Variants in KCNIP1 observed in about 807,000 individuals in gnomAD.
KCNIP1 encodes A-type potassium channel modulatory protein KCNIP1.
Under a neutral mutation model 33.0 loss-of-function variants are expected in KCNIP1, and 18 were observed. The ratio of observed to expected loss-of-function variants is 0.55; its 90% confidence interval spans 0.38 to 0.81. The LOEUF (loss-of-function observed/expected upper bound fraction) is 0.81, where lower values mean the gene tolerates loss of function less well. KCNIP1 is among the 30% of genes least tolerant of loss of function. KCNIP1 has a pLI of 0.00. For missense variants in KCNIP1, 238 were observed against 271.6 expected, an observed-to-expected ratio of 0.88 and a Z score of 0.87; for synonymous variants, 93 against 98.3, an observed-to-expected ratio of 0.95 and a Z score of 0.32.
At chr5:170,417,216 A>G (rs1035553457) in intron 1 of KCNIP1, among the ~76,000 whole-genome samples, 4 of 152,250 alleles carry the variant, frequency 2.6e-5, no homozygotes, top group Non-Finnish European at 5.9e-5. Context: ...AGAAAAGTCC[A>G]GAATAATCAC....
chr5:170,652,498 A>AAAGGAAGGAAGGAAGGAAGG (rs1554107877), intron 1 of KCNIP1, among the ~76,000 whole-genome samples: 17 of 103,054 alleles, frequency 1.6e-4, no homozygotes, highest in African/African-American at 6.9e-4. Flanking sequence ...AAAAAAAAAA[A>AAAGGAAGGAAGGAAGGAAGG]AAGGAAGGAA....
intron 1 of KCNIP1, among the ~76,000 whole-genome samples, chr5:170,687,020 A>G (rs1762559609): frequency 6.7e-6 from 1 of 148,730 alleles, no homozygotes; most frequent in South Asian, 2.2e-4. Flanking sequence ...ATCCTCCCCC[A>G]TTCTCCCCCT....
At chr5:170,608,020 C>G (rs1758997784) in intron 1 of KCNIP1, among the ~76,000 whole-genome samples, 1 of 152,190 alleles carries the variant, frequency 6.6e-6, no homozygotes, top group Admixed American at 6.5e-5. Context: ...CATTTATTCT[C>G]TCACTGCCCT....
At chr5:170,371,574 A>T (rs535423723) in intron 1 of KCNIP1, among the ~76,000 whole-genome samples, 94 of 152,310 alleles carry the variant, frequency 6.2e-4, no homozygotes, top group Non-Finnish European at 8.2e-4. Context: ...GGGGCAAGTT[A>T]AATCTTTTCC....
Position 170,373,615 on chromosome 5 carries a change from T to C in KCNIP1, c.88+19651T>C, listed in dbSNP as rs182677692. The stretch of plus-strand genomic sequence containing the variant: ...AACATATTTTTTTGAAAAACAATTA[T>C]GCGTGGCAAAAAGTATATTGGGAGA... On this transcript the variant is annotated intron_variant, in intron 1 of 7. Transcript: ENST00000377360. Among the ~76,000 whole-genome samples, 9 of 152,346 alleles carry C rather than the reference T, an allele frequency of 5.9e-5. No individual in the cohort carries two copies. In the East Asian group the frequency reaches 9.6e-4, roughly 16 times the overall value.
At chr5:170,598,290 C>A (rs1211708934) in intron 1 of KCNIP1, among the ~76,000 whole-genome samples, 5 of 152,162 alleles carry the variant, frequency 3.3e-5, no homozygotes, top group Admixed American at 1.3e-4. Context: ...CCCTCCCTCT[C>A]TGATAGATCA....
intron 1 of KCNIP1, among the ~76,000 whole-genome samples, chr5:170,359,025 A>G (rs535235386): frequency 6.4e-4 from 98 of 152,296 alleles, no homozygotes; most frequent in African/African-American, 2.2e-3. Flanking sequence ...GCCACCTGTC[A>G]TGCAAAGGGT....
intron 1 of KCNIP1, among the ~76,000 whole-genome samples, chr5:170,536,432 C>T (rs1561674396): frequency 6.6e-6 from 1 of 152,194 alleles, no homozygotes; most frequent in Non-Finnish European, 1.5e-5. Context: ...TCCCACCTTC[C>T]CCCAACAGCT....
intron 1 of KCNIP1, among the ~76,000 whole-genome samples, chr5:170,548,726 C>A (rs559819461): frequency 6.6e-6 from 1 of 152,204 alleles, no homozygotes; most frequent in African/African-American, 2.4e-5. Flanking sequence ...TATGTTGGGA[C>A]CTCTTCCCAC....
intron 1 of KCNIP1, among the ~76,000 whole-genome samples, chr5:170,563,165 A>G (rs1451562740): frequency 6.6e-6 from 1 of 152,166 alleles, no homozygotes; most frequent in African/African-American, 2.4e-5. Context: ...CCACTCCTCC[A>G]GAGTGCAGAT....
intron 1 of KCNIP1, among the ~76,000 whole-genome samples, chr5:170,705,493 AG>A (rs769795067): frequency 1.1e-4 from 17 of 152,196 alleles, no homozygotes; most frequent in Non-Finnish European, 1.6e-4. Context: ...AAATGTCCTT[AG>A]TGGCCATCAG....
chr5:170,511,680 C>T lies in KCNIP1; in HGVS notation c.61+7047C>T, dbSNP rs544604213. On this transcript the variant is annotated intron_variant, in intron 1 of 7. Coordinates refer to ENST00000328939, the MANE Select transcript of KCNIP1 (RefSeq NM_014592.4). Reference sequence around the variant, plus strand: ...TCTTTCCTGTGTTATTTTATTAACCCCAACCCTGGAGGACAAGATGCTATT... The same window carrying T: ...TCTTTCCTGTGTTATTTTATTAACCTCAACCCTGGAGGACAAGATGCTATT... Among the ~76,000 whole-genome samples the T allele has an allele frequency of 3.3e-5, 5 of 152,330 alleles. No individual in the cohort carries two copies. The South Asian group carries it at 6.2e-4, about 19-fold the overall frequency.
intron 1 of KCNIP1, among the ~76,000 whole-genome samples, chr5:170,381,307 C>CCT (rs1190396258): frequency 6.6e-6 from 1 of 152,182 alleles, no homozygotes; most frequent in Non-Finnish European, 1.5e-5. Flanking sequence ...TTTCCCAAGC[C>CCT]CTGCAGTGTA....
chr5:170,444,871 A>G (rs2113049220), intron 1 of KCNIP1, among the ~76,000 whole-genome samples: 1 of 152,226 alleles, frequency 6.6e-6, no homozygotes, highest in South Asian at 2.1e-4. Flanking sequence ...TGAGAGCAGA[A>G]ATAAAACCCC....
chr5:170,652,351 G>A (rs935811734), intron 1 of KCNIP1, among the ~76,000 whole-genome samples: 4 of 151,886 alleles, frequency 2.6e-5, no homozygotes, highest in Non-Finnish European at 4.4e-5. Flanking sequence ...CAAGTGTGAT[G>A]ACACATGCTT....
chr5:170,405,117 T>A (rs1049031339), intron 1 of KCNIP1, among the ~76,000 whole-genome samples: 1 of 152,182 alleles, frequency 6.6e-6, no homozygotes, highest in Non-Finnish European at 1.5e-5. Context: ...GAAAGAAATA[T>A]GGATTAAATA....
chr5:170,357,000 G>A (rs150553999), intron 1 of KCNIP1, among the ~76,000 whole-genome samples: 1 of 152,266 alleles, frequency 6.6e-6, no homozygotes, highest in East Asian at 1.9e-4. Context: ...CTAGGGAAGG[G>A]CATTAAGATT....
chr5:170,633,993 G>T (rs551021206), intron 1 of KCNIP1, among the ~76,000 whole-genome samples: 1 of 152,282 alleles, frequency 6.6e-6, no homozygotes, highest in East Asian at 1.9e-4. Flanking sequence ...CTCTGGCCAG[G>T]TTAGTGGCAG....
At chr5:170,411,678 G>A (rs566580985) in intron 1 of KCNIP1, among the ~76,000 whole-genome samples, 39 of 152,262 alleles carry the variant, frequency 2.6e-4, no homozygotes, top group African/African-American at 9.1e-4. Context: ...GCAACTCCAA[G>A]GTGCCAGACA....
Sources: gnomAD v4.1 joint callset for allele counts (sites outside exome capture counted in the v4.1 genomes callset) on GRCh38, gnomAD v4.1.1 for gene constraint, MANE v1.5 for transcripts, NCBI Gene and HGNC (gene_info 2026-07-23, HGNC 2026-07-21) for gene names.